The following WNT8B variants were observed in gnomAD, a reference collection of about 807,000 sequenced individuals.
WNT8B encodes Wnt family member 8B.
Under a neutral mutation model 36.6 loss-of-function variants are expected in WNT8B, and 24 were observed. The observed-to-expected ratio is 0.66, with a 90% CI of 0.48 to 0.92. The LOEUF is 0.92. WNT8B is among the 40% of genes least tolerant of loss of function. The pLI is 0.00. For missense variants in WNT8B, 402 were observed against 470.8 expected (o/e 0.85, Z 1.35); for synonymous variants, 199 against 189.8 (o/e 1.05, Z -0.40).
In WNT8B at chr10:100,471,202, A is replaced by G. The variant is rs575282104; in HGVS notation, c.69-7850A>G. Among the ~76,000 whole-genome samples the G allele has an allele frequency of 2.0e-5, 3 of 152,374 alleles. No homozygotes were observed. The East Asian group carries it at 5.8e-4, about 29-fold the overall frequency. On this transcript the variant is annotated intron_variant, in intron 1 of 5. Transcript: ENST00000343737. Reference sequence around the variant, plus strand: ...TATCCATCTAGGTTTGTATAAGTACATTCTATGATGTTTGCACAGTGACAA... The same window carrying G: ...TATCCATCTAGGTTTGTATAAGTACGTTCTATGATGTTTGCACAGTGACAA...
At chr10:100,466,701 G>A (rs1850910491) in intron 1 of WNT8B, among the ~76,000 whole-genome samples, 1 of 151,784 alleles carries the variant, frequency 6.6e-6, no homozygotes. Context: ...CATTAAAAAA[G>A]GACCAGAAGA....
chr10:100,468,907 T>C (rs184710944), intron 1 of WNT8B, among the ~76,000 whole-genome samples: 4 of 152,370 alleles, frequency 2.6e-5, no homozygotes, highest in African/African-American at 9.6e-5. Flanking sequence ...CATTTTAATA[T>C]AAGGACTACT....
At chr10:100,481,850 G>C in intron 4 of WNT8B, 62 bp from the exon 5 acceptor site, 3 of 1,570,450 alleles carry the variant, frequency 1.9e-6, no homozygotes, top group Non-Finnish European at 1.7e-6. Context: ...ATTAGAAACA[G>C]CAGCCCAGGA....
chr10:100,475,739 T>C (rs1851030701), intron 1 of WNT8B, among the ~76,000 whole-genome samples: 1 of 152,198 alleles, frequency 6.6e-6, no homozygotes, highest in South Asian at 2.1e-4. Flanking sequence ...AATCTTTGAA[T>C]GTTATTCCTA....
intron 3 of WNT8B, 116 bp from the exon 4 acceptor site, chr10:100,480,882 T>C (rs1851101195): frequency 8.5e-7 from 1 of 1,170,496 alleles, no homozygotes; most frequent in Non-Finnish European, 1.2e-6. Flanking sequence ...GATGGGGAAA[T>C]AGGATGGAGC....
At chr10:100,470,810 C>G (rs914138641) in intron 1 of WNT8B, among the ~76,000 whole-genome samples, 5 of 152,182 alleles carry the variant, frequency 3.3e-5, no homozygotes, top group Non-Finnish European at 4.4e-5. Flanking sequence ...GGCGCAATCT[C>G]GGCTGACTGC....
In WNT8B at chr10:100,463,233, G is replaced by A; in HGVS notation, c.65G>A (p.Ser22Asn). The A allele has an allele frequency of 2.5e-6, 4 of 1,613,846 alleles. No homozygotes were observed. The highest frequency in any genetic ancestry group is 3.4e-6 in the Non-Finnish European group (4 of 1,179,810). Residue 22 changes from serine to asparagine, a missense_variant, in exon 1 of 6, where the codon AGC becomes AAC. Transcript: ENST00000343737. ...ACCTGTGTCCTCCAACTCAGCCACA[G>A]CTGGTAAGTAACCTGGACTCTTACC... ...LFTCVLQLSH[S>N]WSVNNFLMTG...
chr10:100,482,707 G>T lies in WNT8B; in HGVS notation c.947G>T (p.Cys316Phe), dbSNP rs762467838. ...AGCTGCAACTGCAAGTTCCACTGGT[G>T]CTGCGCAGTCCGCTGCGAGCAGTGC... ...VSSCNCKFHW[C>F]CAVRCEQCRR... The change falls in exon 6 of 6, where the codon TGC (cysteine) becomes TTC (phenylalanine). Residue 316 changes from cysteine to phenylalanine, a missense_variant. This residue lies in a region of WNT8B where 256 missense variants were observed against 278.6 expected (regional missense o/e 0.92). Coordinates refer to ENST00000343737, the MANE Select transcript of WNT8B (RefSeq NM_003393.4). This position sits in a 1 kb window ranked among gnomAD's most constrained non-coding sequence, Gnocchi z 6.6. The T allele has an allele frequency of 6.2e-7, 1 of 1,610,128 alleles. No homozygotes were observed. Among genetic ancestry groups the T allele is most frequent in the South Asian group, 1.1e-5 (1 of 90,876 alleles).
chr10:100,481,040 G>A lies in WNT8B; in HGVS notation c.284G>A (p.Gly95Glu), dbSNP rs774427022. The change falls in exon 4 of 6, where the codon GGA becomes GAA. Residue 95 changes from glycine to glutamate, a missense_variant. Transcript: ENST00000343737. ...TAFVHAISSA[G>E]VMYTLTRNCS... ...TTTGTGCATGCCATCAGTTCTGCTG[G>A]AGTCATGTACACCCTGACTAGAAAC... 6.2e-7 allele frequency: 1 copy of A among 1,614,038 alleles called. No homozygotes were observed. The highest frequency in any genetic ancestry group is 1.1e-5 in the South Asian group (1 of 91,078).
Position 100,482,736 on chromosome 10 carries a change from C to T in WNT8B, c.976C>T (p.Arg326Trp), listed in dbSNP as rs766517158. The T allele has an allele frequency of 1.2e-6, 2 of 1,605,298 alleles. No individual in the cohort carries two copies. Among genetic ancestry groups the T allele is most frequent in the African/African-American group, 1.3e-5 (1 of 74,686 alleles). The change falls in exon 6 of 6, where the codon CGG becomes TGG. Residue 326 changes from arginine (R) to tryptophan (W), a missense_variant. By Grantham distance (101) the Arg-to-Trp change is moderately radical (BLOSUM62 -3). Around this residue, in one of 3 missense-constraint regions of WNT8B, gnomAD observed 256 missense variants for 278.6 expected, o/e 0.92. Transcript: ENST00000343737. This position sits in a 1 kb window ranked among gnomAD's most constrained non-coding sequence, Gnocchi z 6.6. ...CCAVRCEQCR[R>W]RVTKYFCSRA... ...CGCAGTCCGCTGCGAGCAGTGCCGC[C>T]GGAGGGTCACCAAGTACTTCTGTAG...
chr10:100,480,853 G>C, intron 3 of WNT8B, 145 bp from the exon 4 acceptor site: 1 of 1,043,640 alleles, frequency 9.6e-7, no homozygotes, highest in South Asian at 1.8e-5. Context: ...AAAAATAAAA[G>C]TTAAAAAATA....
intron 1 of WNT8B, among the ~76,000 whole-genome samples, chr10:100,470,909 A>T (rs990873593): frequency 6.6e-6 from 1 of 151,970 alleles, no homozygotes; most frequent in Non-Finnish European, 1.5e-5. Context: ...CGCCCAGCTA[A>T]TTTTTGTATT....
chr10:100,468,333 A>G (rs2133650616), intron 1 of WNT8B, among the ~76,000 whole-genome samples: 1 of 152,380 alleles, frequency 6.6e-6, no homozygotes, highest in East Asian at 1.9e-4. Context: ...TGATACTGAT[A>G]TAAACTGGTA....
In WNT8B at chr10:100,482,749, A is replaced by G. The variant is rs752988124; in HGVS notation, c.989A>G (p.Lys330Arg). The G allele has an allele frequency of 1.2e-6, 2 of 1,603,096 alleles. No homozygotes were observed. The highest frequency in any genetic ancestry group is 1.7e-6 in the Non-Finnish European group (2 of 1,174,888). ...GAGCAGTGCCGCCGGAGGGTCACCA[A>G]GTACTTCTGTAGCCGCGCAGAGCGG... ...RCEQCRRRVT[K>R]YFCSRAERPR... The change falls in exon 6 of 6, where the codon AAG (lysine) becomes AGG (arginine). Residue 330 changes from lysine (K) to arginine (R), a missense_variant. Physicochemically the swap from Lys to Arg is conservative, Grantham distance 26 (BLOSUM62 2). This residue lies in a region of WNT8B where 256 missense variants were observed against 278.6 expected (regional missense o/e 0.92). Transcript: ENST00000343737. This position sits in a 1 kb window ranked among gnomAD's most constrained non-coding sequence, Gnocchi z 6.6.
At chr10:100,477,221 G>A (rs1851048374) in intron 1 of WNT8B, among the ~76,000 whole-genome samples, 1 of 152,050 alleles carries the variant, frequency 6.6e-6, no homozygotes, top group Non-Finnish European at 1.5e-5. Context: ...ATGTATCAAC[G>A]TATCATTCCT....
chr10:100,464,391 C>T (rs1850888903), intron 1 of WNT8B, among the ~76,000 whole-genome samples: 1 of 152,144 alleles, frequency 6.6e-6, no homozygotes, highest in African/African-American at 2.4e-5. Flanking sequence ...CTCTCCCCCT[C>T]ATGAGAACAA....
rs2133660133 is a variant in WNT8B, at chr10:100,482,660, G to A, written c.900G>A (p.Glu300=). 1 of 1,607,532 alleles carries A rather than the reference G, an allele frequency of 6.2e-7. No individual in the cohort carries two copies. The highest frequency in any genetic ancestry group is 2.2e-5 in the East Asian group (1 of 44,830). Residue 300 remains glutamate (E), a synonymous_variant, in exon 6 of 6, where the codon GAG becomes GAA. Transcript: ENST00000343737. This position sits in a 1 kb window ranked among gnomAD's most constrained non-coding sequence, Gnocchi z 6.6. ...GGGACTGCGGGCTGGCGGTGGAGGA[G>A]CGCCGGGCCGAGACCGTGTCCAGCT... The part of the protein sequence containing the change: ...LCGDCGLAVE[E]RRAETVSSCN...
chr10:100,477,320 A>G (rs1851049650), intron 1 of WNT8B, among the ~76,000 whole-genome samples: 1 of 151,006 alleles, frequency 6.6e-6, no homozygotes, highest in Non-Finnish European at 1.5e-5. Context: ...TTTATTTTTG[A>G]GTTGGAGTCT....
At chr10:100,470,999 T>C (rs1850970887) in intron 1 of WNT8B, among the ~76,000 whole-genome samples, 1 of 152,198 alleles carries the variant, frequency 6.6e-6, no homozygotes, top group Non-Finnish European at 1.5e-5. Context: ...TGCCTCAGCC[T>C]CCCAAAGTGC....
Sources: gnomAD v4.1 joint callset for allele counts (sites outside exome capture counted in the v4.1 genomes callset) on GRCh38, gnomAD v4.1.1 for gene constraint, gnomAD v4.1.1 regional missense constraint, Gnocchi (gnomAD v3.1) non-coding constraint, MANE v1.5 for transcripts, NCBI Gene and HGNC (gene_info 2026-07-23, HGNC 2026-07-21) for gene names.